The following CCDC85A variants were observed in gnomAD, a reference collection of about 807,000 sequenced individuals.
CCDC85A encodes coiled-coil domain-containing protein 85A.
A neutral mutation model predicts 50.2 loss-of-function variants in CCDC85A; 38 were observed. The ratio of observed to expected loss-of-function variants is 0.76; its 90% CI spans 0.58 to 0.99. CCDC85A has a LOEUF of 0.99. Ranked by LOEUF, CCDC85A falls within the 50% of genes least tolerant of loss-of-function variation. CCDC85A has a pLI of 0.00. For synonymous variants in CCDC85A, 366 were observed against 301.4 expected (o/e 1.21, Z -2.22); for missense variants, 820 against 742.0 (o/e 1.11, Z -1.22).
At chr2:56,376,055 A>G (rs1473922641) in intron 5 of CCDC85A, 120 bp downstream of exon 5, 2 of 1,029,592 alleles carry the variant, frequency 1.9e-6, no homozygotes, top group Middle Eastern at 2.2e-4. Context: ...TTGACTCCTT[A>G]TGGTGTAACT....
chr2:56,263,914 A>G (rs1356634264), intron 2 of CCDC85A, among the ~76,000 whole-genome samples: 1 of 152,154 alleles, frequency 6.6e-6, no homozygotes, highest in Non-Finnish European at 1.5e-5. Flanking sequence ...AGGGGTGTCC[A>G]GTCTTTTGGC....
At chr2:56,317,112 G>T (rs1170876502) in intron 2 of CCDC85A, among the ~76,000 whole-genome samples, 1 of 152,138 alleles carries the variant, frequency 6.6e-6, no homozygotes, top group South Asian at 2.1e-4. Flanking sequence ...CAAAGTGGAA[G>T]ATTTTTCTTA....
intron 2 of CCDC85A, among the ~76,000 whole-genome samples, chr2:56,322,675 A>T (rs756659857): frequency 3.0e-4 from 46 of 152,164 alleles, no homozygotes; most frequent in Non-Finnish European, 4.9e-4. Flanking sequence ...GAGAAATAGG[A>T]ACACTTTTAC....
chr2:56,366,933 T>C (rs1259814198), intron 3 of CCDC85A, among the ~76,000 whole-genome samples: 1 of 152,204 alleles, frequency 6.6e-6, no homozygotes, highest in Non-Finnish European at 1.5e-5. Flanking sequence ...TCTTTTGCCA[T>C]TATCTTATAA....
At chr2:56,249,463 A>C (rs963579649) in intron 2 of CCDC85A, among the ~76,000 whole-genome samples, 3 of 152,240 alleles carry the variant, frequency 2.0e-5, no homozygotes, top group Non-Finnish European at 4.4e-5. Flanking sequence ...GAAGCACATG[A>C]AAACAATCCC....
intron 3 of CCDC85A, among the ~76,000 whole-genome samples, chr2:56,353,353 AG>A (rs1348199360): frequency 1.3e-5 from 2 of 152,316 alleles, no homozygotes; most frequent in East Asian, 3.9e-4. Context: ...TAAAAGTTCT[AG>A]TTTTCCCTAA....
intron 2 of CCDC85A, among the ~76,000 whole-genome samples, chr2:56,279,967 A>G (rs988153035): frequency 2.0e-5 from 3 of 152,214 alleles, no homozygotes; most frequent in Non-Finnish European, 2.9e-5. Flanking sequence ...GTTATTTCCC[A>G]TGGAGCAAAA....
intron 2 of CCDC85A, among the ~76,000 whole-genome samples, chr2:56,214,764 T>A (rs1235628806): frequency 6.6e-6 from 1 of 151,982 alleles, no homozygotes; most frequent in East Asian, 1.9e-4. Context: ...AATTCCACAC[T>A]GTCTTGATTA....
chr2:56,290,940 C>G (rs1353488342), intron 2 of CCDC85A, among the ~76,000 whole-genome samples: 1 of 152,114 alleles, frequency 6.6e-6, no homozygotes, highest in African/African-American at 2.4e-5. Context: ...CTAAAACACA[C>G]TGTGGGTTTC....
intron 2 of CCDC85A, among the ~76,000 whole-genome samples, chr2:56,338,866 C>A (rs1236320660): frequency 6.6e-6 from 1 of 152,050 alleles, no homozygotes. Context: ...ACTCCACTCC[C>A]ATTAAAGGAT....
intron 2 of CCDC85A, among the ~76,000 whole-genome samples, chr2:56,279,831 C>A (rs915007863): frequency 2.0e-5 from 3 of 152,168 alleles, no homozygotes; most frequent in Non-Finnish European, 4.4e-5. Context: ...TTTCTTTATT[C>A]ATTCACTGAT....
chr2:56,299,117 C>A (rs1245995999), intron 2 of CCDC85A, among the ~76,000 whole-genome samples: 1 of 152,144 alleles, frequency 6.6e-6, no homozygotes, highest in Non-Finnish European at 1.5e-5. Flanking sequence ...TTTCTGATAC[C>A]TCCGCTGTTT....
At position 56,192,043 on chromosome 2, in the gene CCDC85A, C is replaced by T. The variant is rs1202097376; in HGVS notation, c.277-434C>T. Among the ~76,000 whole-genome samples the T allele has an allele frequency of 2.6e-5, 4 of 152,106 alleles. No homozygotes were observed. Among genetic ancestry groups the T allele is most frequent in the Non-Finnish European group, 5.9e-5 (4 of 68,022 alleles). The stretch of plus-strand genomic sequence containing the variant: ...GAACTGGTTGCTCCCTAACTACTGA[C>T]CAGATGAACTTGGACAAGTGAAGCT... On this transcript the variant is annotated intron_variant, in intron 1 of 5. Transcript: ENST00000407595. This position sits in a 1 kb window ranked among gnomAD's most constrained non-coding sequence, Gnocchi z 4.7.
chr2:56,225,583 G>A (rs1325296378), intron 2 of CCDC85A, among the ~76,000 whole-genome samples: 1 of 152,054 alleles, frequency 6.6e-6, no homozygotes, highest in African/African-American at 2.4e-5. Context: ...TCTTTTAACT[G>A]TTTACCCCAC....
intron 2 of CCDC85A, among the ~76,000 whole-genome samples, chr2:56,250,030 G>T (rs1273869957): frequency 1.3e-5 from 2 of 152,196 alleles, no homozygotes; most frequent in Admixed American, 6.5e-5. Flanking sequence ...AGCCATGAAG[G>T]GCAGGCAGGG....
chr2:56,351,502 C>T (rs1335943342), intron 3 of CCDC85A, among the ~76,000 whole-genome samples: 1 of 142,192 alleles, frequency 7.0e-6, no homozygotes, highest in Non-Finnish European at 1.5e-5. Flanking sequence ...TCCACATCCT[C>T]TCCAGCACTT....
chr2:56,223,502 T>C (rs1337538169), intron 2 of CCDC85A, among the ~76,000 whole-genome samples: 1 of 152,178 alleles, frequency 6.6e-6, no homozygotes, highest in South Asian at 2.1e-4. Flanking sequence ...TGATCCTCAA[T>C]AATTCTATCT....
intron 2 of CCDC85A, among the ~76,000 whole-genome samples, chr2:56,279,868 G>A (rs886963435): frequency 1.3e-5 from 2 of 151,990 alleles, no homozygotes; most frequent in Non-Finnish European, 1.5e-5. Context: ...TTCATATCTT[G>A]GATATTGTGA....
chr2:56,232,693 A>AT (rs1171689757), intron 2 of CCDC85A, among the ~76,000 whole-genome samples: 5 of 152,054 alleles, frequency 3.3e-5, no homozygotes, highest in African/African-American at 9.7e-5. Flanking sequence ...AGTCTCTGGT[A>AT]TTTTTTCATA....
Sources: allele counts gnomAD v4.1 joint callset (sites outside exome capture counted in the v4.1 genomes callset), GRCh38; gene constraint gnomAD v4.1.1; non-coding constraint Gnocchi (gnomAD v3.1); transcripts MANE v1.5; gene names NCBI Gene and HGNC (gene_info 2026-07-23, HGNC 2026-07-21).